The following EIF4A1 variants were observed in gnomAD, a reference collection of about 807,000 sequenced individuals.
EIF4A1 encodes the protein eukaryotic translation initiation factor 4A1.
EIF4A1 carries 11 observed loss-of-function variants against 53.5 expected under a neutral mutation model. The observed-to-expected ratio is 0.21, with a 90% CI of 0.13 to 0.34. EIF4A1 has a LOEUF of 0.34. Ranked by LOEUF, EIF4A1 falls within the 10% of genes least tolerant of loss-of-function variation. EIF4A1 has a pLI of 1.00. For synonymous variants in EIF4A1, 237 were observed against 186.7 expected, an observed-to-expected ratio of 1.27 and a Z score of -2.20; for missense variants, 213 against 530.8, an observed-to-expected ratio of 0.40 and a Z score of 5.88.
chr17:7,576,101 G>A (rs1302240785), intron 4 of EIF4A1: 1 of 155,338 alleles, frequency 6.4e-6, no homozygotes, highest in Admixed American at 6.4e-5. Flanking sequence ...CCCAGGAGGT[G>A]GAGGTTGCAG....
In EIF4A1 at chr17:7,574,575, T is replaced by C. The variant is rs2071375032; in HGVS notation, c.102T>C (p.Phe34=). The C allele has an allele frequency of 6.2e-7, 1 of 1,612,386 alleles. No individual in the cohort carries two copies. The highest frequency in any genetic ancestry group is 8.5e-7 in the Non-Finnish European group (1 of 1,179,986). Residue 34 remains phenylalanine (F), a synonymous_variant, in exon 3 of 11, where the codon TTT becomes TTC. Coordinates refer to ENST00000293831, the MANE Select transcript of EIF4A1 (RefSeq NM_001416.4). Reference sequence around the variant, plus strand: ...ACTGGAATGAGATTGTTGACAGCTTTGATGACATGAACCTCTCGGAGTCCC... The same window carrying C: ...ACTGGAATGAGATTGTTGACAGCTTCGATGACATGAACCTCTCGGAGTCCC... ...ESNWNEIVDS[F]DDMNLSESLL...
chr17:7,575,071 C>G, intron 3 of EIF4A1, 48 bp from the exon 4 acceptor site: 1 of 1,606,508 alleles, frequency 6.2e-7, no homozygotes, highest in Non-Finnish European at 8.5e-7. Flanking sequence ...TTGAATATCC[C>G]AAAGGGTATG....
chr17:7,578,539 G>C lies in EIF4A1; in HGVS notation c.*53G>C. The C allele has an allele frequency of 2.0e-6, 3 of 1,503,016 alleles. No individual in the cohort carries two copies. Among genetic ancestry groups the C allele is most frequent in the Non-Finnish European group, 2.7e-6 (3 of 1,127,798 alleles). The allele number at this position is 1,503,016 out of a possible 1,614,324, so 93.1% of individuals were successfully genotyped here. On this transcript the variant is annotated 3_prime_UTR_variant, in exon 11 of 11. Coordinates refer to ENST00000293831, the MANE Select transcript of EIF4A1 (RefSeq NM_001416.4). ...CAGGGCTCAATCTCTGGGGGCTGAG[G>C]AGCAGCAGGAGGGGGGAGGGAAGGG... is the stretch of plus-strand genomic sequence containing the variant.
chr17:7,578,156 T>C lies in EIF4A1; in HGVS notation c.997-9T>C. The C allele has an allele frequency of 6.2e-7, 1 of 1,614,218 alleles. No individual in the cohort carries two copies. On this transcript the variant is annotated splice_polypyrimidine_tract_variant and intron_variant, in intron 9 of 10. Coordinates refer to ENST00000293831, the MANE Select transcript of EIF4A1 (RefSeq NM_001416.4). ...TGCACATGCTGAAGAGTTGTCTTTC[T>C]TGACGTAGGCCAGAGGCATTGATGT...
In EIF4A1 at chr17:7,577,020, C is replaced by T. The variant is rs368089729; in HGVS notation, c.515-36C>T. ...TATATCTCTCCCACATTTCCCTAATCATATGCTATATATTGGCTTTTTTTT... is the reference window on the plus strand; with the variant it reads ...TATATCTCTCCCACATTTCCCTAATTATATGCTATATATTGGCTTTTTTTT... On this transcript the variant is annotated intron_variant, in intron 5 of 10. Transcript: ENST00000293831. The surrounding 1 kb of genome is among the most constrained non-coding windows in gnomAD (Gnocchi z 4.7). 709 of 1,609,156 alleles carry T rather than the reference C, an allele frequency of 4.4e-4. 7 individuals carry two copies. In the South Asian group the frequency reaches 4.6e-3, roughly 11 times the overall value.
intron 10 of EIF4A1, 31 bp from the exon 11 acceptor site, chr17:7,578,311 G>A (rs1488460944): frequency 1.9e-6 from 3 of 1,613,342 alleles, no homozygotes; most frequent in African/African-American, 1.3e-5. Flanking sequence ...TAAAGCTCCT[G>A]ATATTCCTCA....
rs370110194 is a variant in EIF4A1 at position 7,577,517 on chromosome 17, T to C, written c.768+30T>C. 35 of 1,613,282 alleles carry C rather than the reference T, an allele frequency of 2.2e-5. 1 individual carries two copies. The highest frequency in any genetic ancestry group is 7.7e-5 in the South Asian group (7 of 91,008). ...GGCCCAGTGCAGGAGGCGGGCCTGGTAGTGAGTTGTTGGGTATAGCCCCTG... is the reference window on the plus strand; with the variant it reads ...GGCCCAGTGCAGGAGGCGGGCCTGGCAGTGAGTTGTTGGGTATAGCCCCTG... On this transcript the variant is annotated intron_variant, in intron 7 of 10. Coordinates refer to ENST00000293831, the MANE Select transcript of EIF4A1 (RefSeq NM_001416.4). This position sits in a 1 kb window ranked among gnomAD's most constrained non-coding sequence, Gnocchi z 4.7.
chr17:7,574,470 A>G, intron 2 of EIF4A1, 76 bp from the exon 3 acceptor site: 1 of 1,604,258 alleles, frequency 6.2e-7, no homozygotes, highest in Non-Finnish European at 8.5e-7. Context: ...TAGGCACCAG[A>G]TTCTGTTTGC....
intron 4 of EIF4A1, 142 bp from the exon 5 acceptor site, chr17:7,576,382 G>T (rs2071402093): frequency 3.6e-6 from 4 of 1,118,796 alleles, no homozygotes; most frequent in Non-Finnish European, 4.8e-6. Flanking sequence ...TTTAGCCTCT[G>T]CCTGTTTCTC....
chr17:7,575,222 C>A lies in EIF4A1; in HGVS notation c.309C>A (p.Ala103=). The A allele has an allele frequency of 1.2e-6, 2 of 1,613,974 alleles. No homozygotes were observed. Among genetic ancestry groups the A allele is most frequent in the Non-Finnish European group, 1.7e-6 (2 of 1,180,040 alleles). Residue 103 remains alanine (A), a synonymous_variant, in exon 4 of 11, where the codon GCC becomes GCA. Transcript: ENST00000293831. ...QIELDLKATQ[A]LVLAPTRELA... ...AATTAGATCTAAAAGCCACCCAGGC[C>A]TTGGTCCTAGCACCCACTCGAGAAT...
chr17:7,575,818 G>A (rs929975579), intron 4 of EIF4A1: 6 of 212,414 alleles, frequency 2.8e-5, no homozygotes, highest in South Asian at 7.2e-5. Context: ...AACATGCCTC[G>A]TAGCTTGGGT....
Position 7,574,395 on chromosome 17 carries a change from G to A in EIF4A1, c.72+87G>A, listed in dbSNP as rs2071372007. On this transcript the variant is annotated intron_variant, in intron 2 of 10. Transcript: ENST00000293831. ...GAGTGGCCTCTTGATTGATTTCCCA[G>A]ATCATCTAGAAGCAGCTGGTTTCCC... The A allele has an allele frequency of 1.2e-5, 19 of 1,608,524 alleles. No homozygotes were observed. In the South Asian group the frequency reaches 2.1e-4, roughly 18 times the overall value.
At chr17:7,575,381 C>G (rs560916729) in intron 4 of EIF4A1, 123 bp downstream of exon 4, 5 of 1,360,860 alleles carry the variant, frequency 3.7e-6, no homozygotes, top group South Asian at 1.2e-5. Flanking sequence ...CTAACACTCT[C>G]GAGACCTGCT....
At chr17:7,575,739 T>TG in intron 4 of EIF4A1, 1 of 274,536 alleles carries the variant, frequency 3.6e-6, no homozygotes, top group Non-Finnish European at 7.2e-6. Flanking sequence ...TTATTCTGGG[T>TG]GTGGATAATG....
Position 7,578,257 on chromosome 17 carries a change from C to G in EIF4A1, c.1076+13C>G. 6.2e-7 allele frequency: 1 copy of G among 1,614,174 alleles called. No individual in the cohort carries two copies. Among genetic ancestry groups the G allele is most frequent in the Non-Finnish European group, 8.5e-7 (1 of 1,180,024 alleles). ...ACTATATCCACAGGTAAGCGTAGAT[C>G]TGGAACACTCCCCTACCCCTTCACA... On this transcript the variant is annotated intron_variant, in intron 10 of 10. Coordinates refer to ENST00000293831, the MANE Select transcript of EIF4A1 (RefSeq NM_001416.4).
intron 3 of EIF4A1, 25 bp from the exon 4 acceptor site, chr17:7,575,094 T>C (rs1269844630): frequency 6.2e-7 from 1 of 1,611,174 alleles, no homozygotes; most frequent in South Asian, 1.1e-5. Context: ...CTTTACCACA[T>C]TCAACTCCTA....
intron 1 of EIF4A1, chr17:7,573,158 C>T (rs1291691121): frequency 5.3e-6 from 3 of 564,368 alleles, no homozygotes; most frequent in South Asian, 4.2e-5. Flanking sequence ...GACGGGGTCG[C>T]GACCTGGCGT....
At chr17:7,576,497 T>C in intron 4 of EIF4A1, 27 bp from the exon 5 acceptor site, 9 of 1,535,918 alleles carry the variant, frequency 5.9e-6, no homozygotes, top group Non-Finnish European at 6.1e-6. Context: ...GTAACTGACA[T>C]ATGAGCACCT....
At chr17:7,576,363 TA>T (rs2071401873) in intron 4 of EIF4A1, among the ~76,000 whole-genome samples, 160 bp from the exon 5 acceptor site, 1 of 152,234 alleles carries the variant, frequency 6.6e-6, no homozygotes, top group Admixed American at 6.5e-5. Context: ...AGCACGATCT[TA>T]AGTGGATTTT....
Sources: gnomAD v4.1 joint callset for allele counts (sites outside exome capture counted in the v4.1 genomes callset) on GRCh38, gnomAD v4.1.1 for gene constraint, Gnocchi (gnomAD v3.1) non-coding constraint, MANE v1.5 for transcripts, NCBI Gene and HGNC (gene_info 2026-07-23, HGNC 2026-07-21) for gene names.